Variants in PPIL6 observed in about 807,000 individuals in gnomAD.
PPIL6 encodes the protein peptidylprolyl isomerase like 6, also known as probable inactive peptidyl-prolyl cis-trans isomerase-like 6.
Under a neutral mutation model 36.8 loss-of-function variants are expected in PPIL6, and 39 were observed. That is an observed-to-expected ratio of 1.06 (90% confidence interval 0.82 to 1.38). The LOEUF is 1.38. Among genes scored for constraint, PPIL6 ranks in the 40% most tolerant of loss-of-function variants. PPIL6 has a pLI of 0.00. For missense variants in PPIL6, 368 were observed against 379.1 expected, an observed-to-expected ratio of 0.97 and a Z score of 0.24; for synonymous variants, 123 against 134.1, an observed-to-expected ratio of 0.92 and a Z score of 0.57.
At position 109,390,916 on chromosome 6, in the gene PPIL6, T is replaced by C. The variant is rs990317907; in HGVS notation, c.*1910A>G. 2.0e-5 allele frequency: 3 copies of C among 152,182 alleles called. No homozygotes were observed. The highest frequency in any genetic ancestry group is 7.2e-5 in the African/African-American group (3 of 41,446). 9.4% of individuals were successfully genotyped at this position (152,182 alleles called of 1,614,324 possible). A position where few individuals can be genotyped will look rare whatever the true frequency, so the allele number is the denominator to read the frequency against. On this transcript the variant is annotated 3_prime_UTR_variant, in exon 8 of 8. Coordinates refer to ENST00000521072, the MANE Select transcript of PPIL6 (RefSeq NM_173672.5). ...CTACTTTTGGCAAGCCTCATATCCA[T>C]TAGAAGCCTGCCTCTTTAAGACTGA...
chr6:109,436,321 C>T (rs982046823), intron 1 of PPIL6, 122 bp from the exon 2 acceptor site: 7 of 624,358 alleles, frequency 1.1e-5, no homozygotes, highest in African/African-American at 1.8e-5. Context: ...CCATGCAGTC[C>T]GACTGAGATA....
intron 5 of PPIL6, among the ~76,000 whole-genome samples, chr6:109,424,711 C>G (rs10782161): frequency 0.31 from 47,199 of 152,010 alleles, 7,477 homozygotes; most frequent in Middle Eastern, 0.41. Context: ...AAGAAGCCAG[C>G]CAAAACCCAC....
chr6:109,393,458 T>C (rs536593524), intron 7 of PPIL6, among the ~76,000 whole-genome samples: 1 of 152,266 alleles, frequency 6.6e-6, no homozygotes, highest in South Asian at 2.1e-4. Flanking sequence ...ACTCCTGGCC[T>C]CAAGCAGTCC....
intron 1 of PPIL6, among the ~76,000 whole-genome samples, chr6:109,436,848 C>T (rs778531583): frequency 9.2e-5 from 14 of 152,178 alleles, no homozygotes; most frequent in Admixed American, 2.0e-4. Flanking sequence ...AATGGGTTAA[C>T]GCCAATAGCT....
chr6:109,428,393 A>C (rs1163027088), intron 3 of PPIL6, among the ~76,000 whole-genome samples: 1 of 152,024 alleles, frequency 6.6e-6, no homozygotes, highest in African/African-American at 2.4e-5. Context: ...TTTACAAAAA[A>C]ATTAAGAAAT....
In PPIL6 at chr6:109,431,216, A is replaced by C. The variant is rs781373426; in HGVS notation, c.361T>G (p.Ser121Ala). 1.2e-6 allele frequency: 2 copies of C among 1,614,108 alleles called. No individual in the cohort carries two copies. Among genetic ancestry groups the C allele is most frequent in the South Asian group, 2.2e-5 (2 of 91,076 alleles). Residue 121 changes from serine (S) to alanine (A), a missense_variant, in exon 3 of 8, where the codon TCT (serine) becomes GCT (alanine). Transcript: ENST00000521072. ...EVWDIVDIKP[S>A]ALYDALTEDF... ...TCAGTGAGTGCGTCATAAAGTGCAG[A>C]GGGTTTAATGTCAACTATATCCCAC...
At chr6:109,408,699 C>T (rs889582189) in intron 6 of PPIL6, among the ~76,000 whole-genome samples, 3 of 152,142 alleles carry the variant, frequency 2.0e-5, no homozygotes, top group African/African-American at 7.2e-5. Flanking sequence ...AGCATTCATT[C>T]TGTTCCCCTG....
intron 6 of PPIL6, among the ~76,000 whole-genome samples, chr6:109,411,798 A>T (rs1341560148): frequency 6.6e-6 from 1 of 152,238 alleles, no homozygotes; most frequent in Admixed American, 6.5e-5. Context: ...GCCCGTTACA[A>T]CAGGTATCCA....
chr6:109,424,917 G>C (rs1274841560), intron 5 of PPIL6, among the ~76,000 whole-genome samples: 1 of 152,210 alleles, frequency 6.6e-6, no homozygotes, highest in Non-Finnish European at 1.5e-5. Context: ...GCAGCCCTCA[G>C]GGGCTGCTGT....
At chr6:109,399,780 A>C (rs1161039405) in intron 7 of PPIL6, among the ~76,000 whole-genome samples, 2 of 152,110 alleles carry the variant, frequency 1.3e-5, no homozygotes, top group Admixed American at 6.5e-5. Flanking sequence ...GGGCTCAAGC[A>C]ATCTCCCACC....
At chr6:109,440,692 G>T, upstream of PPIL6, 1 of 913,894 alleles carries the variant, frequency 1.1e-6, no homozygotes, top group Non-Finnish European at 1.4e-6. Flanking sequence ...CCCAGGGGCG[G>T]GTCGAGGGCG....
chr6:109,403,576 G>T (rs1264558537), intron 6 of PPIL6, among the ~76,000 whole-genome samples: 1 of 151,988 alleles, frequency 6.6e-6, no homozygotes, highest in Non-Finnish European at 1.5e-5. Context: ...CTTCTGCCAG[G>T]GATAAAGTAT....
intron 2 of PPIL6, 39 bp downstream of exon 2, chr6:109,436,065 C>A (rs747600815): frequency 1.8e-6 from 2 of 1,097,640 alleles, no homozygotes; most frequent in Non-Finnish European, 2.8e-6. Context: ...CAAAACTTGG[C>A]TTGTTGTCTA....
rs1774136438 is a variant in PPIL6, at chr6:109,431,238, C to G, written c.339G>C (p.Trp113Cys). 1 of 1,613,616 alleles carries G rather than the reference C, an allele frequency of 6.2e-7. No individual in the cohort carries two copies. The highest frequency in any genetic ancestry group is 1.1e-5 in the South Asian group (1 of 91,044). ...CAGAGGGTTTAATGTCAACTATATC[C>G]CACACCTCGTGGGCCCATTTCTGCA... ...LDLQKWAHEV[W>C]DIVDIKPSAL... The change falls in exon 3 of 8, where the codon TGG becomes TGC. Residue 113 changes from tryptophan to cysteine, a missense_variant. Physicochemically the swap from Trp to Cys is radical, Grantham distance 215. Transcript: ENST00000521072.
At chr6:109,406,725 T>C (rs943718164) in intron 6 of PPIL6, among the ~76,000 whole-genome samples, 7 of 152,222 alleles carry the variant, frequency 4.6e-5, no homozygotes, top group Admixed American at 1.3e-4. Context: ...CTTTTCATGA[T>C]AAATTCATTT....
chr6:109,397,895 C>CT (rs66666058), intron 7 of PPIL6, among the ~76,000 whole-genome samples: 10,633 of 143,424 alleles, frequency 0.074, 403 homozygotes, highest in South Asian at 0.14. Flanking sequence ...GGATTTAAAA[C>CT]TTTTTTTTTT....
At position 109,400,023 on chromosome 6, in the gene PPIL6, C is replaced by T; in HGVS notation, c.824+12G>A. The T allele has an allele frequency of 6.3e-7, 1 of 1,595,648 alleles. No individual in the cohort carries two copies. Among genetic ancestry groups the T allele is most frequent in the Non-Finnish European group, 8.6e-7 (1 of 1,165,214 alleles). On this transcript the variant is annotated intron_variant, in intron 7 of 7. Coordinates refer to ENST00000521072, the MANE Select transcript of PPIL6 (RefSeq NM_173672.5). The stretch of plus-strand genomic sequence containing the variant: ...TGTGAATATTATATAAATAGATCTA[C>T]AATATACATACCCAAAAGCCACAAA...
intron 3 of PPIL6, among the ~76,000 whole-genome samples, chr6:109,429,316 A>G (rs1369303445): frequency 6.6e-6 from 1 of 152,226 alleles, no homozygotes; most frequent in African/African-American, 2.4e-5. Flanking sequence ...AGAAAAACAG[A>G]GGATTACGTC....
At chr6:109,414,168 T>C (rs1311629309) in intron 6 of PPIL6, among the ~76,000 whole-genome samples, 1 of 152,234 alleles carries the variant, frequency 6.6e-6, no homozygotes. Context: ...TTTTATATGA[T>C]GTGATAATTT....
Sources: allele counts gnomAD v4.1 joint callset (sites outside exome capture counted in the v4.1 genomes callset), GRCh38; gene constraint gnomAD v4.1.1; transcripts MANE v1.5; gene names NCBI Gene and HGNC (gene_info 2026-07-23, HGNC 2026-07-21).